The following POP1 variants were observed in gnomAD, a reference collection of about 807,000 sequenced individuals.
The protein encoded by POP1 is ribonucleases P/MRP protein subunit POP1.
In POP1, 75 loss-of-function variants were observed where a neutral mutation model predicts 102.2. That is an observed-to-expected ratio of 0.73 (90% confidence interval 0.61 to 0.89). The LOEUF is 0.89. Among genes scored for constraint, POP1 ranks in the 40% least tolerant of loss-of-function variants. The probability of loss-of-function intolerance (pLI) is 0.00; values close to 1 mark genes in which losing one functional copy is unlikely to be tolerated. For synonymous variants in POP1, 436 were observed against 464.1 expected (o/e 0.94, Z 0.78); for missense variants, 1,116 against 1,267.4 (o/e 0.88, Z 1.81).
At chr8:98,131,032 A>G (rs563309376) in intron 5 of POP1, among the ~76,000 whole-genome samples, 3 of 152,382 alleles carry the variant, frequency 2.0e-5, no homozygotes, top group Non-Finnish European at 2.9e-5. Flanking sequence ...TTTGAAAGCC[A>G]TTACTATTGG....
chr8:98,123,646 G>A lies in POP1; in HGVS notation c.142+167G>A, dbSNP rs553072722. Among the ~76,000 whole-genome samples, 22 of 152,014 alleles carry A rather than the reference G, an allele frequency of 1.4e-4. 1 individual carries two copies. Among genetic ancestry groups the A allele is most frequent in the African/African-American group, 3.1e-4 (13 of 41,378 alleles). Reference sequence around the variant, plus strand: ...ACAAGAATTAACTGGGTGTGGTGGCGCGTGCCTGTAGTCCCAGCTACTTGG... The same window carrying A: ...ACAAGAATTAACTGGGTGTGGTGGCACGTGCCTGTAGTCCCAGCTACTTGG... On this transcript the variant is annotated intron_variant, in intron 2 of 15. Transcript: ENST00000401707.
chr8:98,123,228 C>T, intron 1 of POP1, 108 bp from the exon 2 acceptor site: 2 of 1,313,344 alleles, frequency 1.5e-6, no homozygotes, highest in East Asian at 2.6e-5. Flanking sequence ...GGGTCTCTTC[C>T]ATCAATAGAC....
At position 98,118,670 on chromosome 8, in the gene POP1, C is replaced by G. The variant is rs568411958; in HGVS notation, c.-3+1280C>G. Among the ~76,000 whole-genome samples the G allele has an allele frequency of 1.8e-4, 28 of 152,266 alleles. No homozygotes were observed. The East Asian group carries it at 4.8e-3, about 26-fold the overall frequency. On this transcript the variant is annotated intron_variant, in intron 1 of 15. Transcript: ENST00000401707. ...CCAACTCTTGGGCTCAAGCAATTCT[C>G]CCACCTCAGCCTCCCAAAGTGCAGG...
chr8:98,154,645 TGG>T lies in POP1; in HGVS notation c.2058-1403_2058-1402del, dbSNP rs201399498. ...TGATTTAGGCAGATGCTGAAGCCACTGGGAGTGACAAGAGTCATAGTGGTGCA... is the reference window on the plus strand; with the variant it reads ...TGATTTAGGCAGATGCTGAAGCCACTGAGTGACAAGAGTCATAGTGGTGCA... On this transcript the variant is annotated intron_variant, in intron 14 of 15. Transcript: ENST00000401707. Among the ~76,000 whole-genome samples the T allele has an allele frequency of 2.0e-5, 3 of 152,134 alleles. No individual in the cohort carries two copies. The East Asian group carries it at 5.8e-4, about 29-fold the overall frequency.
In POP1 at chr8:98,150,528, T is replaced by G. The variant is rs1350848135; in HGVS notation, c.1946T>G (p.Val649Gly). 6.2e-7 allele frequency: 1 copy of G among 1,614,012 alleles called. No homozygotes were observed. Among genetic ancestry groups the G allele is most frequent in the Non-Finnish European group, 8.5e-7 (1 of 1,180,022 alleles). Reference sequence around the variant, plus strand: ...GTCGGAGGGTTGAAAGAGTCTGCAGTGCATTCTCAGTATAAGAGGTCGCCT... The same window carrying G: ...GTCGGAGGGTTGAAAGAGTCTGCAGGGCATTCTCAGTATAAGAGGTCGCCT... ...VRVGGLKESA[V>G]HSQYKRSPNV... is the part of the protein sequence containing the mutation. The change falls in exon 14 of 16, where the codon GTG (valine) becomes GGG (glycine). Residue 649 changes from valine to glycine, a missense_variant. Physicochemically the swap from Val to Gly is moderately radical, Grantham distance 109. Transcript: ENST00000401707.
At chr8:98,144,568 G>A (rs1311536815) in intron 11 of POP1, among the ~76,000 whole-genome samples, 1 of 152,086 alleles carries the variant, frequency 6.6e-6, no homozygotes, top group Non-Finnish European at 1.5e-5. Flanking sequence ...AGCCACTTTT[G>A]CCAGACCTAT....
In POP1 at chr8:98,157,985, G is replaced by A; in HGVS notation, c.2789G>A (p.Gly930Asp). ...RQKPGRASSDGPAGEEPVAGQ... is the reference protein window; with the variant it reads ...RQKPGRASSDDPAGEEPVAGQ... ...AAGCCAGGACGTGCCTCTTCTGATG[G>A]CCCGGCGGGGGAAGAGCCCGTGGCT... The change falls in exon 16 of 16, where the codon GGC becomes GAC. Residue 930 changes from glycine (G) to aspartate (D), a missense_variant. Coordinates refer to ENST00000401707, the MANE Select transcript of POP1 (RefSeq NM_001145860.2). 1 of 1,613,084 alleles carries A rather than the reference G, an allele frequency of 6.2e-7. No individual in the cohort carries two copies. The highest frequency in any genetic ancestry group is 8.5e-7 in the Non-Finnish European group (1 of 1,180,048).
At chr8:98,128,561 A>T (rs1251153840) in intron 4 of POP1, 21 bp downstream of exon 4, 1 of 1,611,286 alleles carries the variant, frequency 6.2e-7, no homozygotes, top group Non-Finnish European at 8.5e-7. Context: ...CACTTAGTGT[A>T]AATGTTTAGA....
At position 98,123,401 on chromosome 8, in the gene POP1, C is replaced by T. The variant is rs926275861; in HGVS notation, c.64C>T (p.Leu22=). Residue 22 remains leucine, a synonymous_variant, in exon 2 of 16, where the codon CTG becomes TTG. Transcript: ENST00000401707. ...GAGAAACCAGCCTACCAATGTGACT[C>T]TGTCCTCTGGCTTTGTGGCTGACAG... is the stretch of plus-strand genomic sequence containing the variant. The part of the protein sequence containing the change: ...KMRNQPTNVT[L]SSGFVADRGV... 11 of 1,614,030 alleles carry T rather than the reference C, an allele frequency of 6.8e-6. No homozygotes were observed. Among genetic ancestry groups the T allele is most frequent in the Non-Finnish European group, 9.3e-6 (11 of 1,180,008 alleles).
chr8:98,129,901 T>G lies in POP1; in HGVS notation c.487-77T>G, dbSNP rs917853516. On this transcript the variant is annotated intron_variant, in intron 4 of 15. Transcript: ENST00000401707. ...AATATTCCACTTAATCTAAAGTTAT[T>G]TGTTTGCATTCCTGACCGTTAACTC... 22 of 1,499,948 alleles carry G rather than the reference T, an allele frequency of 1.5e-5. No individual in the cohort carries two copies. The Admixed American group carries it at 2.4e-4, about 16-fold the overall frequency. The allele number at this position is 1,499,948 out of a possible 1,614,324, so 92.9% of individuals were successfully genotyped here.
intron 14 of POP1, among the ~76,000 whole-genome samples, chr8:98,152,442 C>T (rs62522207): frequency 0.11 from 17,285 of 152,154 alleles, 1,097 homozygotes; most frequent in Middle Eastern, 0.26. Context: ...GTGGAGCCCT[C>T]GGTCTCCATG....
At chr8:98,139,786 C>CT (rs1157901461) in intron 9 of POP1, among the ~76,000 whole-genome samples, 3 of 152,222 alleles carry the variant, frequency 2.0e-5, no homozygotes, top group Admixed American at 6.5e-5. Context: ...TCTGGAGAGA[C>CT]TTTGAGTGTG....
intron 2 of POP1, among the ~76,000 whole-genome samples, chr8:98,126,609 T>C (rs951729337): frequency 6.6e-6 from 1 of 152,208 alleles, no homozygotes; most frequent in Non-Finnish European, 1.5e-5. Flanking sequence ...AAGAAAGTGA[T>C]TGCTTATCAG....
At chr8:98,139,817 C>T (rs1394966538) in intron 9 of POP1, among the ~76,000 whole-genome samples, 1 of 152,132 alleles carries the variant, frequency 6.6e-6, no homozygotes, top group Non-Finnish European at 1.5e-5. Context: ...GTGAGTTAGT[C>T]TATGAAAACC....
chr8:98,137,290 C>T (rs79100886), intron 9 of POP1, among the ~76,000 whole-genome samples: 4 of 151,608 alleles, frequency 2.6e-5, no homozygotes, highest in Non-Finnish European at 5.9e-5. Context: ...GTGCGTGTGC[C>T]ATGTAGGTTT....
Position 98,143,405 on chromosome 8 carries a change from G to A in POP1, c.1594+2517G>A, listed in dbSNP as rs140371209. ...GATTCACAGCAAAATTGAGCATAAA[G>A]TACCGAGATCCCATGAACCTCCATC... On this transcript the variant is annotated intron_variant, in intron 11 of 15. Transcript: ENST00000401707. 6.8e-3 allele frequency among the ~76,000 whole-genome samples: 1,041 copies of A among 152,160 alleles called. 13 individuals carry two copies. The highest frequency in any genetic ancestry group is 0.024 in the African/African-American group (979 of 41,488).
intron 11 of POP1, among the ~76,000 whole-genome samples, chr8:98,141,104 T>C (rs531646174): frequency 3.7e-4 from 57 of 152,092 alleles, no homozygotes; most frequent in African/African-American, 1.3e-3. Context: ...CTGATACTTA[T>C]GTTCATTTTA....
Position 98,149,013 on chromosome 8 carries a change from T to C in POP1, c.1902+7T>C. Reference sequence around the variant, plus strand: ...GGCTTTCTGGATTCCATTTGTAAGTTACTTTTTGATTCTAACAGTTGCAAT... The same window carrying C: ...GGCTTTCTGGATTCCATTTGTAAGTCACTTTTTGATTCTAACAGTTGCAAT... On this transcript the variant is annotated splice_region_variant and intron_variant, in intron 13 of 15. Transcript: ENST00000401707. 12 of 1,607,878 alleles carry C rather than the reference T, an allele frequency of 7.5e-6. No individual in the cohort carries two copies. The highest frequency in any genetic ancestry group is 1.0e-5 in the Non-Finnish European group (12 of 1,175,732).
At position 98,130,077 on chromosome 8, in the gene POP1, C is replaced by T; in HGVS notation, c.586C>T (p.Gln196Ter). The stretch of plus-strand genomic sequence containing the variant: ...CCGGACGCTAGAATTTAACCGTAGA[C>T]AAAAGAAGAACATTTGGTTAGAAAC... ...MNRTLEFNRR[Q>*]KKNIWLETHI... is the part of the protein sequence containing the mutation. The change falls in exon 5 of 16, where the codon CAA becomes TAA. Residue 196 changes from glutamine to a stop codon, truncating the protein, a stop_gained. Coordinates refer to ENST00000401707, the MANE Select transcript of POP1 (RefSeq NM_001145860.2). LOFTEE classifies it high-confidence loss of function. 1 of 1,614,110 alleles carries T rather than the reference C, an allele frequency of 6.2e-7. No individual in the cohort carries two copies.
Sources: gnomAD v4.1 joint callset for allele counts (sites outside exome capture counted in the v4.1 genomes callset) on GRCh38, gnomAD v4.1.1 for gene constraint, MANE v1.5 for transcripts, NCBI Gene and HGNC (gene_info 2026-07-23, HGNC 2026-07-21) for gene names.